The following MACROD2 variants were observed in gnomAD, a reference collection of about 807,000 sequenced individuals.
MACROD2 encodes the protein ADP-ribose glycohydrolase MACROD2.
A neutral mutation model predicts 70.4 loss-of-function variants in MACROD2; 36 were observed. The ratio of observed to expected loss-of-function variants is 0.51; its 90% CI spans 0.39 to 0.68. The LOEUF is 0.68. Ranked by LOEUF, MACROD2 falls within the 30% of genes least tolerant of loss-of-function variation. The probability of loss-of-function intolerance (pLI) is 0.00; values close to 1 mark genes in which losing one functional copy is unlikely to be tolerated. For synonymous variants in MACROD2, 172 were observed against 178.8 expected (o/e 0.96, Z 0.30); for missense variants, 496 against 538.4 (o/e 0.92, Z 0.78).
chr20:14,773,357 C>T (rs1040075452), intron 5 of MACROD2, among the ~76,000 whole-genome samples: 1 of 151,792 alleles, frequency 6.6e-6, no homozygotes. Flanking sequence ...CTTTTTGAAC[C>T]CTTTGACCAA....
intron 6 of MACROD2, among the ~76,000 whole-genome samples, chr20:15,259,663 A>G (rs1447582788): frequency 2.0e-5 from 3 of 152,076 alleles, no homozygotes; most frequent in African/African-American, 7.2e-5. Context: ...GTGAAGACAG[A>G]GATGATTTTA....
rs138847269 is a variant in MACROD2 at position 15,100,380 on chromosome 20, A to T, written c.419-129560A>T. Among the ~76,000 whole-genome samples, 8 of 152,322 alleles carry T rather than the reference A, an allele frequency of 5.3e-5. No individual in the cohort carries two copies. The East Asian group carries it at 1.5e-3, about 29-fold the overall frequency. The stretch of plus-strand genomic sequence containing the variant: ...AAGTTGAGGAGCACTTAAAATACAT[A>T]TCAGTATCTAATAGTGTCCCAAGAG... On this transcript the variant is annotated intron_variant, in intron 5 of 17. Coordinates refer to ENST00000684519, the MANE Select transcript of MACROD2 (RefSeq NM_001351661.2).
chr20:14,719,045 A>G (rs889779524), intron 5 of MACROD2, among the ~76,000 whole-genome samples: 1 of 152,106 alleles, frequency 6.6e-6, no homozygotes, highest in Non-Finnish European at 1.5e-5. Context: ...CATCCTGGCC[A>G]ACATGGTGAA....
At chr20:14,409,742 TA>T (rs2122861432) in intron 3 of MACROD2, among the ~76,000 whole-genome samples, 1 of 152,268 alleles carries the variant, frequency 6.6e-6, no homozygotes, top group African/African-American at 2.4e-5. Context: ...CAGATGGCTA[TA>T]AACGTGAGGC....
chr20:15,130,902 A>G (rs891072687), intron 5 of MACROD2, among the ~76,000 whole-genome samples: 3 of 152,108 alleles, frequency 2.0e-5, no homozygotes, highest in Non-Finnish European at 2.9e-5. Flanking sequence ...CTGAAGCCAT[A>G]GGCACTGAAT....
At chr20:16,040,556 T>C (rs1480327366) in intron 15 of MACROD2, among the ~76,000 whole-genome samples, 47 of 151,984 alleles carry the variant, frequency 3.1e-4, no homozygotes, top group Admixed American at 3.1e-3. Flanking sequence ...GTTTTTACAA[T>C]ATGAAACACA....
intron 8 of MACROD2, among the ~76,000 whole-genome samples, chr20:15,698,753 C>T (rs1024816580): frequency 6.6e-6 from 1 of 152,066 alleles, no homozygotes; most frequent in Non-Finnish European, 1.5e-5. Flanking sequence ...AGACTTCTTG[C>T]AGGCTTTGTT....
At chr20:15,128,949 A>C (rs1413925687) in intron 5 of MACROD2, among the ~76,000 whole-genome samples, 1 of 151,940 alleles carries the variant, frequency 6.6e-6, no homozygotes, top group Admixed American at 6.6e-5. Flanking sequence ...ATTTATACTC[A>C]TTTTAATGCT....
intron 10 of MACROD2, among the ~76,000 whole-genome samples, chr20:15,888,158 A>T (rs1305717130): frequency 6.6e-6 from 1 of 152,176 alleles, no homozygotes; most frequent in East Asian, 1.9e-4. Flanking sequence ...TTTACTTCTG[A>T]GAGAATAAGA....
intron 15 of MACROD2, among the ~76,000 whole-genome samples, chr20:16,006,864 A>G (rs1046975630): frequency 2.6e-5 from 4 of 152,184 alleles, no homozygotes; most frequent in Non-Finnish European, 1.5e-5. Context: ...AACCAATGCC[A>G]AAACATTTGA....
At chr20:15,717,363 A>G (rs771146193) in intron 8 of MACROD2, among the ~76,000 whole-genome samples, 2 of 152,252 alleles carry the variant, frequency 1.3e-5, no homozygotes, top group Non-Finnish European at 2.9e-5. Flanking sequence ...ATAAACTGCT[A>G]TCTGTGACAG....
chr20:15,085,873 AACACAC>A (rs3070249), intron 5 of MACROD2, among the ~76,000 whole-genome samples: 12,829 of 144,284 alleles, frequency 0.089, 1,226 homozygotes, highest in African/African-American at 0.25. Flanking sequence ...ACACACACAC[AACACAC>A]ACACACACAC....
intron 7 of MACROD2, among the ~76,000 whole-genome samples, chr20:15,455,451 C>T (rs1055182311): frequency 1.3e-5 from 2 of 152,070 alleles, no homozygotes; most frequent in Non-Finnish European, 2.9e-5. Flanking sequence ...TCTGAGCAAC[C>T]CAGAACATTC....
At chr20:15,752,209 G>T (rs6135492) in intron 8 of MACROD2, among the ~76,000 whole-genome samples, 1 of 151,942 alleles carries the variant, frequency 6.6e-6, no homozygotes, top group East Asian at 1.9e-4. Flanking sequence ...AAGCTGCTTA[G>T]GTTATAGGTA....
chr20:15,879,670 A>G (rs961639051), intron 9 of MACROD2, among the ~76,000 whole-genome samples: 3 of 152,160 alleles, frequency 2.0e-5, no homozygotes, highest in Admixed American at 6.6e-5. Flanking sequence ...AACCTTGTAT[A>G]TTAGTCAGGT....
intron 8 of MACROD2, among the ~76,000 whole-genome samples, chr20:15,750,595 C>G (rs186357595): frequency 1.3e-3 from 203 of 151,778 alleles, no homozygotes; most frequent in African/African-American, 4.8e-3. Flanking sequence ...TATAATCCAG[C>G]AATCCCATTA....
At chr20:14,582,307 G>A (rs2250136) in intron 4 of MACROD2, among the ~76,000 whole-genome samples, 97,564 of 151,792 alleles carry the variant, frequency 0.64, 32,904 homozygotes, top group East Asian at 0.93. Flanking sequence ...TATGATAAGG[G>A]ACACTTTACT....
At chr20:15,881,482 G>A (rs887042780) in intron 9 of MACROD2, among the ~76,000 whole-genome samples, 1 of 152,094 alleles carries the variant, frequency 6.6e-6, no homozygotes, top group Non-Finnish European at 1.5e-5. Context: ...ATGAGGCAAA[G>A]GTCCCAGTGG....
At chr20:15,064,736 C>T (rs572972940) in intron 5 of MACROD2, among the ~76,000 whole-genome samples, 2 of 152,292 alleles carry the variant, frequency 1.3e-5, no homozygotes, top group South Asian at 2.1e-4. Flanking sequence ...TCAGGGCTGC[C>T]GTTTTCACAA....
Sources: allele counts gnomAD v4.1 joint callset (sites outside exome capture counted in the v4.1 genomes callset), GRCh38; gene constraint gnomAD v4.1.1; transcripts MANE v1.5; gene names NCBI Gene and HGNC (gene_info 2026-07-23, HGNC 2026-07-21).